Variants in MGMT observed in about 807,000 individuals in gnomAD.
MGMT encodes methylated-DNA--protein-cysteine methyltransferase.
MGMT carries 14 observed loss-of-function variants against 15.9 expected under a neutral mutation model. The ratio of observed to expected loss-of-function variants is 0.88; its 90% CI spans 0.58 to 1.37. The LOEUF (loss-of-function observed/expected upper bound fraction) is 1.37, where lower values mean the gene tolerates loss of function less well. MGMT is among the 40% of genes most tolerant of loss of function. The probability of loss-of-function intolerance (pLI) is 0.00; values close to 1 mark genes in which losing one functional copy is unlikely to be tolerated. For synonymous variants in MGMT, 130 were observed against 118.2 expected, an observed-to-expected ratio of 1.10 and a Z score of -0.65; for missense variants, 282 against 268.1, an observed-to-expected ratio of 1.05 and a Z score of -0.36.
chr10:129,662,867 A>G (rs754933155), intron 2 of MGMT, among the ~76,000 whole-genome samples: 5 of 152,226 alleles, frequency 3.3e-5, no homozygotes, highest in Non-Finnish European at 7.3e-5. Context: ...CACACTCATA[A>G]TGAAGATAAA....
At position 129,768,372 on chromosome 10, in the gene MGMT, T is replaced by C. The variant is rs1848962653; in HGVS notation, c.*1375T>C. On this transcript the variant is annotated 3_prime_UTR_variant, in exon 5 of 5. Coordinates refer to ENST00000651593, the MANE Select transcript of MGMT (RefSeq NM_002412.5). The stretch of plus-strand genomic sequence containing the variant: ...AACTCTTGGTATTTTTGAAGCAGGA[T>C]AAGTCACACAGCGGGTCACGTAGAC... 1.3e-5 allele frequency among the ~76,000 whole-genome samples: 2 copies of C among 152,388 alleles called. No individual in the cohort carries two copies. Among genetic ancestry groups the C allele is most frequent in the South Asian group, 4.1e-4 (2 of 4,832 alleles).
chr10:129,584,973 A>G (rs934495396), intron 2 of MGMT, among the ~76,000 whole-genome samples: 7 of 151,186 alleles, frequency 4.6e-5, no homozygotes, highest in African/African-American at 1.5e-4. Context: ...GGGTATATAT[A>G]CACACACACA....
chr10:129,728,438 C>A (rs573807389), intron 3 of MGMT, among the ~76,000 whole-genome samples: 2 of 152,208 alleles, frequency 1.3e-5, no homozygotes, highest in East Asian at 3.9e-4. Flanking sequence ...CCCGCAGGGT[C>A]CATAATGGTG....
At chr10:129,529,897 CT>C (rs76739297) in intron 1 of MGMT, among the ~76,000 whole-genome samples, 3 of 150,308 alleles carry the variant, frequency 2.0e-5, no homozygotes, top group African/African-American at 7.4e-5. Flanking sequence ...TTTCTTTTTC[CT>C]TTTTTTTCTT....
At chr10:129,706,568 C>T (rs547661553) in intron 2 of MGMT, among the ~76,000 whole-genome samples, 48 of 152,284 alleles carry the variant, frequency 3.2e-4, no homozygotes, top group Middle Eastern at 6.8e-3. Flanking sequence ...AGAAAACTTC[C>T]GTGCTCCAAG....
chr10:129,590,650 G>C (rs1389352627), intron 2 of MGMT, among the ~76,000 whole-genome samples: 2 of 152,220 alleles, frequency 1.3e-5, no homozygotes, highest in Admixed American at 1.3e-4. Context: ...AGTCTAATGA[G>C]AAACTCAGAG....
At chr10:129,545,485 G>A (rs538686447) in intron 2 of MGMT, among the ~76,000 whole-genome samples, 1 of 152,156 alleles carries the variant, frequency 6.6e-6, no homozygotes, top group Non-Finnish European at 1.5e-5. Context: ...ACATGAGCTC[G>A]CATACGTGCT....
At chr10:129,568,434 C>T (rs1013493855) in intron 2 of MGMT, among the ~76,000 whole-genome samples, 1 of 152,094 alleles carries the variant, frequency 6.6e-6, no homozygotes. Flanking sequence ...GAGAGGCAAG[C>T]GTGAATCAGA....
chr10:129,695,480 T>C (rs550483700), intron 2 of MGMT, among the ~76,000 whole-genome samples: 2 of 152,360 alleles, frequency 1.3e-5, no homozygotes, highest in South Asian at 4.1e-4. Context: ...AATCCTCATA[T>C]AATCCATGCC....
intron 2 of MGMT, among the ~76,000 whole-genome samples, chr10:129,695,280 A>T (rs886188284): frequency 5.3e-5 from 8 of 152,238 alleles, no homozygotes; most frequent in African/African-American, 1.9e-4. Flanking sequence ...TTGTTCCCGG[A>T]TAAAATTGCA....
Position 129,532,821 on chromosome 10 carries a change from T to C in MGMT, c.-12-3420T>C, listed in dbSNP as rs1324643019. On this transcript the variant is annotated intron_variant, in intron 1 of 4. Coordinates refer to ENST00000651593, the MANE Select transcript of MGMT (RefSeq NM_002412.5). The surrounding 1 kb of genome is among the most constrained non-coding windows in gnomAD (Gnocchi z 5.3). ...GTCAGGGGTCTTATTGATGAGGAAA[T>C]AGAGGCTTGAGAGAGGAGTGCGCAG... Among the ~76,000 whole-genome samples, 2 of 152,066 alleles carry C rather than the reference T, an allele frequency of 1.3e-5. No homozygotes were observed. Among genetic ancestry groups the C allele is most frequent in the African/African-American group, 4.8e-5 (2 of 41,396 alleles).
chr10:129,479,929 C>T (rs931428198), intron 1 of MGMT, among the ~76,000 whole-genome samples: 1 of 151,976 alleles, frequency 6.6e-6, no homozygotes, highest in Admixed American at 6.6e-5. Flanking sequence ...ATATTAATAC[C>T]CCATTAGAAA....
chr10:129,617,974 C>G (rs1007584860), intron 2 of MGMT, among the ~76,000 whole-genome samples: 1 of 151,656 alleles, frequency 6.6e-6, no homozygotes, highest in African/African-American at 2.4e-5. Flanking sequence ...TGTGAGGACC[C>G]CTCCTGCCAT....
chr10:129,519,546 G>A (rs1003646959), intron 1 of MGMT, among the ~76,000 whole-genome samples: 1 of 152,176 alleles, frequency 6.6e-6, no homozygotes, highest in African/African-American at 2.4e-5. Flanking sequence ...CCTTTACGGA[G>A]TTCAGTGCCG....
At chr10:129,546,055 T>A (rs1476841649) in intron 2 of MGMT, among the ~76,000 whole-genome samples, 1 of 152,252 alleles carries the variant, frequency 6.6e-6, no homozygotes, top group Non-Finnish European at 1.5e-5. Context: ...CGGAAGTGGG[T>A]CTTTTTGCGA....
chr10:129,526,812 G>A (rs1267897932), intron 1 of MGMT, among the ~76,000 whole-genome samples: 1 of 152,188 alleles, frequency 6.6e-6, no homozygotes, highest in Non-Finnish European at 1.5e-5. Context: ...ACCAGTAGGG[G>A]AAAAAGAAGA....
intron 2 of MGMT, among the ~76,000 whole-genome samples, chr10:129,654,421 C>T (rs1847500411): frequency 6.6e-6 from 1 of 152,130 alleles, no homozygotes; most frequent in African/African-American, 2.4e-5. Context: ...AGAAGGTGCT[C>T]ATATTTTACC....
intron 2 of MGMT, among the ~76,000 whole-genome samples, chr10:129,671,173 T>G (rs758445804): frequency 2.6e-5 from 4 of 152,232 alleles, no homozygotes; most frequent in Non-Finnish European, 5.9e-5. Flanking sequence ...TTAAATACAT[T>G]ATGTTTGGAA....
chr10:129,615,990 G>A (rs893687292), intron 2 of MGMT, among the ~76,000 whole-genome samples: 2 of 152,150 alleles, frequency 1.3e-5, no homozygotes, highest in Admixed American at 6.5e-5. Flanking sequence ...TGCAGATGGG[G>A]GTGGGGTGGG....
Sources: allele counts gnomAD v4.1 joint callset (sites outside exome capture counted in the v4.1 genomes callset), GRCh38; gene constraint gnomAD v4.1.1; non-coding constraint Gnocchi (gnomAD v3.1); transcripts MANE v1.5; gene names NCBI Gene and HGNC (gene_info 2026-07-23, HGNC 2026-07-21).